CAMKMT: variants seen among roughly 807,000 people sequenced by gnomAD.
CAMKMT encodes calmodulin-lysine N-methyltransferase.
Under a neutral mutation model 48.0 loss-of-function variants are expected in CAMKMT, and 53 were observed. The observed-to-expected ratio is 1.10, with a 90% CI of 0.89 to 1.39. CAMKMT has a LOEUF of 1.39. Among genes scored for constraint, CAMKMT ranks in the 40% most tolerant of loss-of-function variants. CAMKMT has a pLI of 0.00. For missense variants in CAMKMT, 428 were observed against 402.7 expected, an observed-to-expected ratio of 1.06 and a Z score of -0.54; for synonymous variants, 165 against 152.3, an observed-to-expected ratio of 1.08 and a Z score of -0.61.
intron 3 of CAMKMT, among the ~76,000 whole-genome samples, chr2:44,402,745 T>G (rs1422511819): frequency 3.4e-5 from 5 of 148,874 alleles, no homozygotes; most frequent in Non-Finnish European, 4.5e-5. Context: ...TTGCTGTTTT[T>G]TTTTTTTTTT....
intron 3 of CAMKMT, among the ~76,000 whole-genome samples, chr2:44,570,791 T>C (rs1445512531): frequency 6.6e-6 from 1 of 152,232 alleles, no homozygotes. Context: ...TGTTACTTCA[T>C]AATGTGGTTA....
intron 3 of CAMKMT, among the ~76,000 whole-genome samples, chr2:44,566,623 A>C (rs6740222): frequency 0.64 from 97,788 of 151,700 alleles, 32,013 homozygotes; most frequent in Admixed American, 0.71. Context: ...AGCAGCAAAA[A>C]ATGATGTTGA....
At chr2:44,644,399 C>T in intron 3 of CAMKMT, among the ~76,000 whole-genome samples, 1 of 152,174 alleles carries the variant, frequency 6.6e-6, no homozygotes, top group East Asian at 1.9e-4. Context: ...GGAATGGTAA[C>T]AACTTGGCTT....
At chr2:44,602,416 G>A (rs1671049515) in intron 3 of CAMKMT, among the ~76,000 whole-genome samples, 1 of 151,974 alleles carries the variant, frequency 6.6e-6, no homozygotes, top group South Asian at 2.1e-4. Flanking sequence ...TTTTTATTAA[G>A]AGAACAACAA....
intron 3 of CAMKMT, among the ~76,000 whole-genome samples, chr2:44,454,288 C>G (rs926082285): frequency 2.0e-5 from 3 of 152,186 alleles, no homozygotes; most frequent in Middle Eastern, 3.4e-3. Context: ...ATAGAGACTT[C>G]AGGTTCAACG....
intron 3 of CAMKMT, among the ~76,000 whole-genome samples, chr2:44,419,281 G>C (rs1683770158): frequency 6.6e-6 from 1 of 152,206 alleles, no homozygotes; most frequent in Non-Finnish European, 1.5e-5. Context: ...AGCTCTTTCT[G>C]CTGGAAAGCA....
At chr2:44,540,403 C>G (rs1183451270) in intron 3 of CAMKMT, among the ~76,000 whole-genome samples, 1 of 152,066 alleles carries the variant, frequency 6.6e-6, no homozygotes, top group East Asian at 1.9e-4. Flanking sequence ...AGCCATGGAA[C>G]CAGTGAGTCC....
intron 3 of CAMKMT, among the ~76,000 whole-genome samples, chr2:44,452,529 A>G (rs766459212): frequency 6.6e-6 from 1 of 152,048 alleles, no homozygotes; most frequent in Non-Finnish European, 1.5e-5. Context: ...TATTAAACAC[A>G]CAAAAAAATA....
At chr2:44,636,798 A>G (rs1673160074) in intron 3 of CAMKMT, among the ~76,000 whole-genome samples, 1 of 152,188 alleles carries the variant, frequency 6.6e-6, no homozygotes, top group African/African-American at 2.4e-5. Flanking sequence ...AAACTTAGGT[A>G]GGAGACGGTT....
At chr2:44,508,093 G>T (rs565690165) in intron 3 of CAMKMT, among the ~76,000 whole-genome samples, 9 of 152,298 alleles carry the variant, frequency 5.9e-5, no homozygotes, top group East Asian at 1.9e-4. Flanking sequence ...GTACTTTAAT[G>T]TAATGACCTT....
intron 3 of CAMKMT, among the ~76,000 whole-genome samples, chr2:44,478,969 G>A (rs1041824424): frequency 1.3e-5 from 2 of 152,122 alleles, no homozygotes; most frequent in Admixed American, 1.3e-4. Context: ...AAGGTGCTGG[G>A]ATTACAGGCG....
At chr2:44,642,519 G>A (rs1423419667) in intron 3 of CAMKMT, among the ~76,000 whole-genome samples, 3 of 152,166 alleles carry the variant, frequency 2.0e-5, no homozygotes, top group African/African-American at 7.2e-5. Context: ...ACATGGTCCA[G>A]GTATTTGAAA....
chr2:44,615,580 G>A (rs1297322010), intron 3 of CAMKMT, among the ~76,000 whole-genome samples: 1 of 152,158 alleles, frequency 6.6e-6, no homozygotes, highest in Non-Finnish European at 1.5e-5. Flanking sequence ...GGAGGGTACA[G>A]TTTTGGAGGC....
chr2:44,401,426 G>C (rs1003813037), intron 3 of CAMKMT, among the ~76,000 whole-genome samples: 1 of 151,952 alleles, frequency 6.6e-6, no homozygotes, highest in South Asian at 2.1e-4. Context: ...GCATGGTGGC[G>C]GACGCCTGTA....
chr2:44,631,770 A>T (rs1572958437), intron 3 of CAMKMT: 1 of 363,022 alleles, frequency 2.8e-6, no homozygotes, highest in Non-Finnish European at 4.9e-6. Flanking sequence ...TTTTTTGTTC[A>T]TTATTCTTTT....
intron 7 of CAMKMT, among the ~76,000 whole-genome samples, chr2:44,739,017 G>A (rs1362836884): frequency 6.6e-6 from 1 of 152,202 alleles, no homozygotes; most frequent in African/African-American, 2.4e-5. Flanking sequence ...AGTGTTACTA[G>A]AGCAAAGAGG....
At chr2:44,472,051 T>C (rs558535487) in intron 3 of CAMKMT, among the ~76,000 whole-genome samples, 1 of 152,154 alleles carries the variant, frequency 6.6e-6, no homozygotes, top group Non-Finnish European at 1.5e-5. Flanking sequence ...TTTATGATTC[T>C]TCCTAAAAGA....
intron 7 of CAMKMT, among the ~76,000 whole-genome samples, chr2:44,717,943 C>T (rs1028787899): frequency 2.6e-5 from 4 of 152,140 alleles, no homozygotes; most frequent in Non-Finnish European, 5.9e-5. Context: ...AGCATTTCTC[C>T]TGCTACCAAC....
chr2:44,525,009 T>G, intron 3 of CAMKMT, among the ~76,000 whole-genome samples: 1 of 152,208 alleles, frequency 6.6e-6, no homozygotes, highest in Non-Finnish European at 1.5e-5. Context: ...CCCTTTTGTA[T>G]TATTTTCATT....
Sources: gnomAD v4.1 joint callset for allele counts (sites outside exome capture counted in the v4.1 genomes callset) on GRCh38, gnomAD v4.1.1 for gene constraint, MANE v1.5 for transcripts, NCBI Gene and HGNC (gene_info 2026-07-23, HGNC 2026-07-21) for gene names.